Variants in DPH3 observed in about 807,000 individuals in gnomAD.
DPH3 encodes the protein diphthamide biosynthesis 3.
DPH3 carries 8 observed loss-of-function variants against 10.2 expected under a neutral mutation model. The ratio of observed to expected loss-of-function variants is 0.79; its 90% CI spans 0.46 to 1.42. The LOEUF is 1.42. DPH3 is among the 40% of genes most tolerant of loss of function. The pLI is 0.00. For missense variants in DPH3, 96 were observed against 98.9 expected (o/e 0.97, Z 0.12); for synonymous variants, 35 against 35.6 (o/e 0.98, Z 0.06).
intron 1 of DPH3, 108 bp from the exon 2 acceptor site, chr3:16,264,337 C>A: frequency 1.2e-6 from 1 of 836,622 alleles, no homozygotes; most frequent in South Asian, 2.0e-5. Flanking sequence ...TTGCCTTCCC[C>A]CCAAGGTGGG....
rs370500669 is a variant in DPH3, at chr3:16,264,147, T to C, written c.183+8A>G. ...ACCCTTCCCCCGTTTTAAAATTATA[T>C]CCCTTACTTTGTCATAAATCACTTT... On this transcript the variant is annotated splice_region_variant and intron_variant, in intron 2 of 2. Coordinates refer to ENST00000488423, the MANE Select transcript of DPH3 (RefSeq NM_206831.3). 4 of 1,601,250 alleles carry C rather than the reference T, an allele frequency of 2.5e-6. No homozygotes were observed. In the Middle Eastern group the frequency reaches 5.0e-4, roughly 199 times the overall value.
Position 16,264,898 on chromosome 3 carries a change from G to A in DPH3, c.-22C>T. 1.9e-6 allele frequency: 3 copies of A among 1,613,342 alleles called. No homozygotes were observed. Among genetic ancestry groups the A allele is most frequent in the South Asian group, 2.2e-5 (2 of 91,018 alleles). ...CCATGGTCAGCGGGGGTGGCCGAAG[G>A]GGTAACGCCCCAGCAGTCCGAGGCC... On this transcript the variant is annotated 5_prime_UTR_variant, in exon 1 of 3. Coordinates refer to ENST00000488423, the MANE Select transcript of DPH3 (RefSeq NM_206831.3).
chr3:16,258,051 T>C lies in DPH3; in HGVS notation c.*2713A>G, dbSNP rs1559704756. ...GGCAATAAATTAATATGTGCAGTTA[T>C]AAAAAATGTTGGGTACTTTTTCCAA... On this transcript the variant is annotated 3_prime_UTR_variant, in exon 3 of 3. Transcript: ENST00000488423. 1 of 134,694 alleles carries C rather than the reference T, an allele frequency of 7.4e-6. No homozygotes were observed. The highest frequency in any genetic ancestry group is 1.8e-5 in the Non-Finnish European group (1 of 55,628). The allele number at this position is 134,694 out of a possible 1,614,324, so 8.3% of individuals were successfully genotyped here. A position where few individuals can be genotyped will look rare whatever the true frequency, so the allele number is the denominator to read the frequency against.
chr3:16,260,944 G>A (rs918756458), intron 2 of DPH3, 115 bp from the exon 3 acceptor site: 5 of 877,926 alleles, frequency 5.7e-6, no homozygotes, highest in African/African-American at 3.4e-5. Context: ...TTTTTCATTT[G>A]CTATTATCAT....
chr3:16,260,841 TGAGAAA>T lies in DPH3; in HGVS notation c.184-18_184-13del. 6.2e-7 allele frequency: 1 copy of T among 1,611,564 alleles called. No homozygotes were observed. The highest frequency in any genetic ancestry group is 8.5e-7 in the Non-Finnish European group (1 of 1,178,256). On this transcript the variant is annotated splice_polypyrimidine_tract_variant and intron_variant, in intron 2 of 2. Transcript: ENST00000488423. ...CACACAAACTGATCCTAAGACAGAG[TGAGAAA>T]TGACATTAACCAATGAATTTCCGGT...
chr3:16,264,921 GC>G lies in DPH3; in HGVS notation c.-46del. The G allele has an allele frequency of 1.2e-6, 2 of 1,605,728 alleles. No individual in the cohort carries two copies. Among genetic ancestry groups the G allele is most frequent in the Non-Finnish European group, 1.7e-6 (2 of 1,173,688 alleles). On this transcript the variant is annotated 5_prime_UTR_variant, in exon 1 of 3. Transcript: ENST00000488423. ...AGGGGTAACGCCCCAGCAGTCCGAG[GC>G]CAGCTCCGAGGGTTTAACTTCGCCG... is the stretch of plus-strand genomic sequence containing the variant.
In DPH3 at chr3:16,259,542, A is replaced by T. The variant is rs977145213; in HGVS notation, c.*1222T>A. On this transcript the variant is annotated 3_prime_UTR_variant, in exon 3 of 3. Transcript: ENST00000488423. ...TTATTTATACACAGTAAAGTTGTGT[A>T]TATAAAGGGAATTTTCAAATTTCCA... The T allele has an allele frequency of 9.9e-5, 15 of 152,220 alleles. No individual in the cohort carries two copies. The highest frequency in any genetic ancestry group is 3.6e-4 in the African/African-American group (15 of 41,458). The allele number at this position is 152,220 out of a possible 1,614,324, so 9.4% of individuals were successfully genotyped here.
rs1345150287 is a variant in DPH3 at position 16,261,858 on chromosome 3, T to C, written c.184-1029A>G. Among the ~76,000 whole-genome samples the C allele has an allele frequency of 6.6e-6, 1 of 152,160 alleles. No homozygotes were observed. The highest frequency in any genetic ancestry group is 2.4e-5 in the African/African-American group (1 of 41,430). ...GTCTAAAACCCATCAGTTTAGAATC[T>C]TATGTCTTGAGACTACCGCCTTGCT... On this transcript the variant is annotated intron_variant, in intron 2 of 2. Coordinates refer to ENST00000488423, the MANE Select transcript of DPH3 (RefSeq NM_206831.3). This position sits in a 1 kb window ranked among gnomAD's most constrained non-coding sequence, Gnocchi z 7.1.
Position 16,260,081 on chromosome 3 carries a change from C to T in DPH3, c.*683G>A, listed in dbSNP as rs1417676408. The T allele has an allele frequency of 6.6e-6, 1 of 152,182 alleles. No homozygotes were observed. The highest frequency in any genetic ancestry group is 2.4e-5 in the African/African-American group (1 of 41,434). 9.4% of individuals were successfully genotyped at this position (152,182 alleles called of 1,614,324 possible). A position where few individuals can be genotyped will look rare whatever the true frequency, so the allele number is the denominator to read the frequency against. On this transcript the variant is annotated 3_prime_UTR_variant, in exon 3 of 3. Transcript: ENST00000488423. Reference sequence around the variant, plus strand: ...GGAATATGCAGAATATAAGAAAAGTCCTCATTCTTTCATCACTTCATTTTG... The same window carrying T: ...GGAATATGCAGAATATAAGAAAAGTTCTCATTCTTTCATCACTTCATTTTG...
At position 16,257,573 on chromosome 3, in the gene DPH3, G is replaced by C. The variant is rs76873648; in HGVS notation, c.*3191C>G. On this transcript the variant is annotated 3_prime_UTR_variant, in exon 3 of 3. Transcript: ENST00000488423. The stretch of plus-strand genomic sequence containing the variant: ...CCTGTCAAAGAGGTACTATGATCCA[G>C]ATTTCACAAACCAGAATATAATTAT... Among the ~76,000 whole-genome samples, 4,438 of 152,320 alleles carry C rather than the reference G, an allele frequency of 0.029. 100 individuals carry two copies. The highest frequency in any genetic ancestry group is 0.082 in the Middle Eastern group (24 of 294).
In DPH3 at chr3:16,257,460, C is replaced by T. The variant is rs1211575017; in HGVS notation, c.*3304G>A. On this transcript the variant is annotated 3_prime_UTR_variant, in exon 3 of 3. Coordinates refer to ENST00000488423, the MANE Select transcript of DPH3 (RefSeq NM_206831.3). ...AAACCGAATCTTCTTCCCCTAGTGC[C>T]TAGCATGTGACAGGTACTTCTTTGC... is the stretch of plus-strand genomic sequence containing the variant. 6.6e-6 allele frequency among the ~76,000 whole-genome samples: 1 copy of T among 152,252 alleles called. No individual in the cohort carries two copies. The highest frequency in any genetic ancestry group is 2.4e-5 in the African/African-American group (1 of 41,468).
In DPH3 at chr3:16,260,068, A is replaced by C. The variant is rs2064282808; in HGVS notation, c.*696T>G. The C allele has an allele frequency of 6.6e-6, 1 of 152,254 alleles. No homozygotes were observed. The highest frequency in any genetic ancestry group is 2.4e-5 in the African/African-American group (1 of 41,464). The allele number at this position is 152,254 out of a possible 1,614,324, so 9.4% of individuals were successfully genotyped here. On this transcript the variant is annotated 3_prime_UTR_variant, in exon 3 of 3. Coordinates refer to ENST00000488423, the MANE Select transcript of DPH3 (RefSeq NM_206831.3). The stretch of plus-strand genomic sequence containing the variant: ...TCCTGACTTCCAAGGAATATGCAGA[A>C]TATAAGAAAAGTCCTCATTCTTTCA...
rs2064283941 is a variant in DPH3 at position 16,260,245 on chromosome 3, G to A, written c.*519C>T. 6.5e-6 allele frequency: 1 copy of A among 154,442 alleles called. No homozygotes were observed. The highest frequency in any genetic ancestry group is 6.4e-5 in the Admixed American group (1 of 15,656). 9.6% of individuals were successfully genotyped at this position (154,442 alleles called of 1,614,324 possible). A position where few individuals can be genotyped will look rare whatever the true frequency, so the allele number is the denominator to read the frequency against. ...CTGAACAGAACATGTCCATTCTAAT[G>A]GGAAAACTGAGGAGACTGGCTTGGT... On this transcript the variant is annotated 3_prime_UTR_variant, in exon 3 of 3. Transcript: ENST00000488423.
Position 16,264,923 on chromosome 3 carries a change from C to A in DPH3, c.-47G>T. The A allele has an allele frequency of 6.2e-7, 1 of 1,604,314 alleles. No individual in the cohort carries two copies. On this transcript the variant is annotated 5_prime_UTR_variant, in exon 1 of 3. Coordinates refer to ENST00000488423, the MANE Select transcript of DPH3 (RefSeq NM_206831.3). ...GGGTAACGCCCCAGCAGTCCGAGGCCAGCTCCGAGGGTTTAACTTCGCCGG... is the reference window on the plus strand; with the variant it reads ...GGGTAACGCCCCAGCAGTCCGAGGCAAGCTCCGAGGGTTTAACTTCGCCGG...
chr3:16,257,146 G>A lies in DPH3; in HGVS notation c.*3618C>T, dbSNP rs1250624311. Among the ~76,000 whole-genome samples, 5 of 152,166 alleles carry A rather than the reference G, an allele frequency of 3.3e-5. No homozygotes were observed. Among genetic ancestry groups the A allele is most frequent in the Non-Finnish European group, 7.4e-5 (5 of 68,022 alleles). The stretch of plus-strand genomic sequence containing the variant: ...AGCAGAACATGGACTAGGAGAAAGC[G>A]CAAAACAATGTTTAATTCCTTTCGG... On this transcript the variant is annotated 3_prime_UTR_variant, in exon 3 of 3. Coordinates refer to ENST00000488423, the MANE Select transcript of DPH3 (RefSeq NM_206831.3).
At chr3:16,264,658 A>G (rs978636667) in intron 1 of DPH3, 111 bp downstream of exon 1, 1 of 1,051,852 alleles carries the variant, frequency 9.5e-7, no homozygotes, top group African/African-American at 1.6e-5. Flanking sequence ...CAGCAACGGG[A>G]AAGAGGGCGT....
At position 16,264,888 on chromosome 3, in the gene DPH3, G is replaced by A. The variant is rs371722277; in HGVS notation, c.-12C>T. 6.2e-7 allele frequency: 1 copy of A among 1,613,992 alleles called. No homozygotes were observed. The highest frequency in any genetic ancestry group is 8.5e-7 in the Non-Finnish European group (1 of 1,179,862). On this transcript the variant is annotated 5_prime_UTR_variant, in exon 1 of 3. Coordinates refer to ENST00000488423, the MANE Select transcript of DPH3 (RefSeq NM_206831.3). ...TGAAACACTGCCATGGTCAGCGGGG[G>A]TGGCCGAAGGGGTAACGCCCCAGCA...
chr3:16,262,348 G>A lies in DPH3; in HGVS notation c.184-1519C>T, dbSNP rs1260792170. Among the ~76,000 whole-genome samples the A allele has an allele frequency of 6.6e-6, 1 of 152,234 alleles. No individual in the cohort carries two copies. The highest frequency in any genetic ancestry group is 6.5e-5 in the Admixed American group (1 of 15,288). On this transcript the variant is annotated intron_variant, in intron 2 of 2. Coordinates refer to ENST00000488423, the MANE Select transcript of DPH3 (RefSeq NM_206831.3). The surrounding 1 kb of genome is among the most constrained non-coding windows in gnomAD (Gnocchi z 4.7). ...CTCATCTCCGTCACAGATGAACTCA[G>A]TGTTGCTAAAGCTAATGGTTAATTC...
rs1363317942 is a variant in DPH3 at position 16,258,448 on chromosome 3, C to T, written c.*2316G>A. 6.6e-6 allele frequency: 1 copy of T among 152,200 alleles called. No individual in the cohort carries two copies. The highest frequency in any genetic ancestry group is 1.5e-5 in the Non-Finnish European group (1 of 68,036). 9.4% of individuals were successfully genotyped at this position (152,200 alleles called of 1,614,324 possible). ...AGCTAAATAAGGCACACGTATCACA[C>T]AGAACTTTAGTCGTATCTCAGAGTC... On this transcript the variant is annotated 3_prime_UTR_variant, in exon 3 of 3. Transcript: ENST00000488423.
Sources: allele counts gnomAD v4.1 joint callset (sites outside exome capture counted in the v4.1 genomes callset), GRCh38; gene constraint gnomAD v4.1.1; non-coding constraint Gnocchi (gnomAD v3.1); transcripts MANE v1.5; gene names NCBI Gene and HGNC (gene_info 2026-07-23, HGNC 2026-07-21).